MAMLD1: variants seen among roughly 807,000 people sequenced by gnomAD.
The protein encoded by MAMLD1 is mastermind-like domain-containing protein 1.
MAMLD1 carries 14 observed loss-of-function variants against 45.0 expected under a neutral mutation model. That is an observed-to-expected ratio of 0.31 (90% confidence interval 0.21 to 0.49). MAMLD1 has a LOEUF of 0.49. MAMLD1 is among the 20% of genes least tolerant of loss of function. The pLI, the probability that MAMLD1 is intolerant of heterozygous loss-of-function variation, is 0.99. For missense variants in MAMLD1, 543 were observed against 603.6 expected (o/e 0.90, Z 1.05); for synonymous variants, 254 against 247.8 (o/e 1.02, Z -0.24).
chrX:150,389,219 T>C (rs1557402118), intron 1 of MAMLD1, among the ~76,000 whole-genome samples: 1 of 111,200 alleles, frequency 9.0e-6, no homozygotes, highest in East Asian at 2.8e-4. Context: ...ACTAATTTTT[T>C]GTACTTTTAG....
chrX:150,438,767 T>G (rs782142692), intron 1 of MAMLD1, among the ~76,000 whole-genome samples: 6 of 112,816 alleles, frequency 5.3e-5, no homozygotes, highest in Non-Finnish European at 9.4e-5. Flanking sequence ...TTAATTGATG[T>G]ACATTCGGTA....
intron 1 of MAMLD1, 122 bp from the exon 2 acceptor site, chrX:150,445,332 G>A (rs1265452786): frequency 2.2e-6 from 1 of 449,983 alleles, no homozygotes; most frequent in Non-Finnish European, 4.0e-6. Context: ...TGGGTGGGAG[G>A]AAGGGAAAAG....
At chrX:150,387,050 C>G (rs2032969112) in intron 1 of MAMLD1, among the ~76,000 whole-genome samples, 1 of 111,367 alleles carries the variant, frequency 9.0e-6, no homozygotes, top group South Asian at 3.8e-4. Flanking sequence ...ATATCTTAAA[C>G]TCTTTTATTC....
chrX:150,382,390 T>C (rs2032654812), intron 1 of MAMLD1, among the ~76,000 whole-genome samples: 1 of 111,941 alleles, frequency 8.9e-6, no homozygotes, highest in Non-Finnish European at 1.9e-5. Context: ...AATGTAGCCA[T>C]ATAAAAATGT....
At chrX:150,405,644 A>G (rs1293596192) in intron 1 of MAMLD1, among the ~76,000 whole-genome samples, 1 of 111,937 alleles carries the variant, frequency 8.9e-6, no homozygotes, top group Admixed American at 9.5e-5. Context: ...TTGTGATGTT[A>G]TATGTTTTCC....
intron 1 of MAMLD1, among the ~76,000 whole-genome samples, chrX:150,366,209 T>C (rs985839977): frequency 1.3e-4 from 15 of 111,948 alleles, no homozygotes; most frequent in African/African-American, 4.9e-4. Flanking sequence ...ATGTCGACGT[T>C]TTATTTGTGC....
At chrX:150,503,551 A>T (rs1557408675) in intron 6 of MAMLD1, 34 bp downstream of exon 6, 3 of 873,048 alleles carry the variant, frequency 3.4e-6, no homozygotes, top group Middle Eastern at 6.2e-4. Flanking sequence ...CGCTTTCCTC[A>T]TCTGTCAACG....
intron 1 of MAMLD1, among the ~76,000 whole-genome samples, chrX:150,398,340 A>AGAG (rs1569564630): frequency 1.6e-5 from 1 of 62,518 alleles, no homozygotes; most frequent in Non-Finnish European, 3.2e-5. Flanking sequence ...AAGAAGAAGA[A>AGAG]GAGGAAGAGG....
Position 150,512,855 on chromosome X carries a change from C to T in MAMLD1, c.*896C>T, listed in dbSNP as rs1222282784. The T allele has an allele frequency of 1.0e-4, 119 of 1,154,064 alleles. No homozygotes were observed. The highest frequency in any genetic ancestry group is 1.3e-4 in the Non-Finnish European group (116 of 872,480). ...TGAGCTGCCACCTGCCGACTTTTTGCGCCAGCCCCAACCCCCACTAAATGA... is the reference window on the plus strand; with the variant it reads ...TGAGCTGCCACCTGCCGACTTTTTGTGCCAGCCCCAACCCCCACTAAATGA... On this transcript the variant is annotated 3_prime_UTR_variant, in exon 8 of 8. Transcript: ENST00000370401.
intron 2 of MAMLD1, 74 bp downstream of exon 2, chrX:150,445,686 T>C: frequency 1.2e-6 from 1 of 827,375 alleles, no homozygotes; most frequent in South Asian, 2.2e-5. Flanking sequence ...AGATGTGTTA[T>C]TGAAATTTTC....
At position 150,470,048 on chromosome X, in the gene MAMLD1, A is replaced by G; in HGVS notation, c.475A>G (p.Thr159Ala). 1 of 1,211,745 alleles carries G rather than the reference A, an allele frequency of 8.3e-7. No individual in the cohort carries two copies. Among genetic ancestry groups the G allele is most frequent in the South Asian group, 1.8e-5 (1 of 56,980 alleles). The change falls in exon 4 of 8, where the codon ACT (threonine) becomes GCT (alanine). Residue 159 changes from threonine (T) to alanine (A), a missense_variant. Coordinates refer to ENST00000370401, the MANE Select transcript of MAMLD1 (RefSeq NM_005491.5). ...QTTEVGLKGP[T>A]VPYYEKINSV... ...TACAGAAGTGGGACTGAAAGGGCCC[A>G]CTGTTCCTTACTATGAGAAAATCAA...
Position 150,471,177 on chromosome X carries a change from A to T in MAMLD1, c.1604A>T (p.Glu535Val), listed in dbSNP as rs782768625. Residue 535 changes from glutamate to valine, a missense_variant, in exon 4 of 8, where the codon GAG (glutamate) becomes GTG (valine). Transcript: ENST00000370401. ...GCAAGCTCCAGCCCAGGAGCCACGG[A>T]GCCATTTACTTTTGGCAACACCAAG... is the stretch of plus-strand genomic sequence containing the variant. ...GMASSSPGAT[E>V]PFTFGNTKPL... The T allele has an allele frequency of 3.3e-6, 4 of 1,209,968 alleles. No individual in the cohort carries two copies. The African/African-American group carries it at 7.0e-5, about 21-fold the overall frequency.
In MAMLD1 at chrX:150,444,945, A is replaced by G. The variant is rs1373791878; in HGVS notation, c.-63-509A>G. ...TTGAACTGTTAGCTCACTTGGCTGT[A>G]TCCTAACAGTGCCACAGTTGGTGGC... On this transcript the variant is annotated intron_variant, in intron 1 of 7. Transcript: ENST00000370401. 1.6e-4 allele frequency among the ~76,000 whole-genome samples: 18 copies of G among 111,418 alleles called. 1 individual carries two copies. Among genetic ancestry groups the G allele is most frequent in the Admixed American group, 1.5e-3 (16 of 10,465 alleles).
chrX:150,372,144 C>T (rs1557401100), intron 1 of MAMLD1, among the ~76,000 whole-genome samples: 1 of 112,228 alleles, frequency 8.9e-6, no homozygotes, highest in African/African-American at 3.2e-5. Context: ...TATAATCTAC[C>T]CTGTATCAAC....
chrX:150,403,991 A>AGAAAGAAAGAAC (rs2033926912), intron 1 of MAMLD1, among the ~76,000 whole-genome samples: 2 of 98,234 alleles, frequency 2.0e-5, no homozygotes, highest in African/African-American at 7.6e-5. Context: ...AAAGAAAGAA[A>AGAAAGAAAGAAC]GAAAGAAGAA....
chrX:150,495,830 G>A (rs57380920), intron 5 of MAMLD1, among the ~76,000 whole-genome samples: 35 of 112,372 alleles, frequency 3.1e-4, no homozygotes, highest in East Asian at 8.4e-4. Context: ...AGATTCTGCC[G>A]TATAGACCAC....
intron 5 of MAMLD1, among the ~76,000 whole-genome samples, chrX:150,476,529 C>T (rs1557406872): frequency 1.8e-5 from 2 of 111,529 alleles, no homozygotes; most frequent in Admixed American, 9.5e-5. Context: ...TGCATTTGAG[C>T]CCCACTCAGA....
chrX:150,421,492 T>C (rs1191210757), intron 1 of MAMLD1, among the ~76,000 whole-genome samples: 3 of 112,465 alleles, frequency 2.7e-5, no homozygotes, highest in African/African-American at 9.7e-5. Flanking sequence ...ATTCTGGTTC[T>C]TCTCTTAACT....
intron 4 of MAMLD1, 107 bp from the exon 5 acceptor site, chrX:150,473,573 C>T (rs1278578830): frequency 1.6e-5 from 12 of 766,337 alleles, no homozygotes; most frequent in East Asian, 6.3e-5. Flanking sequence ...TGGGGGTGGC[C>T]GGGGGAGCGG....
Sources: gnomAD v4.1 joint callset for allele counts (sites outside exome capture counted in the v4.1 genomes callset) on GRCh38, gnomAD v4.1.1 for gene constraint, MANE v1.5 for transcripts, NCBI Gene and HGNC (gene_info 2026-07-23, HGNC 2026-07-21) for gene names.